Variants in PSIP1 observed in about 807,000 individuals in gnomAD.
PSIP1 encodes the protein PC4 and SFRS1-interacting protein.
A neutral mutation model predicts 74.7 loss-of-function variants in PSIP1; 19 were observed. The ratio of observed to expected loss-of-function variants is 0.25; its 90% confidence interval spans 0.18 to 0.37. The LOEUF (loss-of-function observed/expected upper bound fraction) is 0.37, where lower values mean the gene tolerates loss of function less well. PSIP1 is among the 10% of genes least tolerant of loss of function. The pLI, the probability that PSIP1 is intolerant of heterozygous loss-of-function variation, is 1.00. For missense variants in PSIP1, 601 were observed against 614.3 expected, an observed-to-expected ratio of 0.98 and a Z score of 0.23; for synonymous variants, 222 against 195.3, an observed-to-expected ratio of 1.14 and a Z score of -1.14.
rs2036759119 is a variant in PSIP1, at chr9:15,490,193, C to G, written c.150-69G>C. 2.0e-5 allele frequency: 27 copies of G among 1,331,340 alleles called. No homozygotes were observed. The South Asian group carries it at 5.1e-4, about 25-fold the overall frequency. 82.5% of individuals were successfully genotyped at this position (1,331,340 alleles called of 1,614,324 possible). A position where few individuals can be genotyped will look rare whatever the true frequency, so the allele number is the denominator to read the frequency against. ...ATACATAATTTATTAGATAAGACAC[C>G]CTATTACACAATTATCAAAAATACA... On this transcript the variant is annotated intron_variant, in intron 3 of 15. Transcript: ENST00000380733.
intron 12 of PSIP1, 54 bp from the exon 13 acceptor site, chr9:15,469,112 ATC>A (rs894172475): frequency 7.9e-6 from 12 of 1,518,910 alleles, no homozygotes; most frequent in African/African-American, 2.8e-5. Context: ...CACTTAAACA[ATC>A]TGTTTCTAAA....
chr9:15,493,404 A>G (rs1216092001), intron 3 of PSIP1, among the ~76,000 whole-genome samples: 27 of 152,180 alleles, frequency 1.8e-4, no homozygotes. Context: ...ACAAGTCTCT[A>G]GAAGTTCTCA....
At chr9:15,478,436 G>T in intron 8 of PSIP1, 41 bp downstream of exon 8, 1 of 1,391,636 alleles carries the variant, frequency 7.2e-7, no homozygotes, top group East Asian at 2.3e-5. Flanking sequence ...AAAGTCAAAT[G>T]TCTCATTTAT....
intron 10 of PSIP1, chr9:15,471,607 TC>T: frequency 1.1e-6 from 1 of 950,502 alleles, no homozygotes; most frequent in Non-Finnish European, 1.3e-6. Context: ...GTGCTTAAAG[TC>T]TAACATTAGA....
In PSIP1 at chr9:15,465,383, C is replaced by A; in HGVS notation, c.*137G>T. On this transcript the variant is annotated 3_prime_UTR_variant, in exon 16 of 16. Coordinates refer to ENST00000380733, the MANE Select transcript of PSIP1 (RefSeq NM_033222.5). ...CGATAATGTTTACTTTACTTTAAAA[C>A]AAAGGGATTTTCTCCCTCAAAACAA... 1.4e-6 allele frequency: 1 copy of A among 716,290 alleles called. No homozygotes were observed. Among genetic ancestry groups the A allele is most frequent in the Non-Finnish European group, 2.3e-6 (1 of 430,426 alleles). 44.4% of individuals were successfully genotyped at this position (716,290 alleles called of 1,614,324 possible).
At chr9:15,472,123 T>C (rs977112257) in intron 10 of PSIP1, 2 of 984,150 alleles carry the variant, frequency 2.0e-6, no homozygotes, top group African/African-American at 3.5e-5. Context: ...GCTTTGAATT[T>C]GATTTATATT....
rs748955052 is a variant in PSIP1, at chr9:15,466,717, C to T, written c.1532+31G>A. On this transcript the variant is annotated intron_variant, in intron 15 of 15. Coordinates refer to ENST00000380733, the MANE Select transcript of PSIP1 (RefSeq NM_033222.5). The stretch of plus-strand genomic sequence containing the variant: ...GATTAAAAACCTGAATAATAAAAAA[C>T]ACACAAGACCCATTAAAACCTATTC... The T allele has an allele frequency of 2.0e-5, 31 of 1,518,206 alleles. No homozygotes were observed. The Middle Eastern group carries it at 5.2e-4, about 25-fold the overall frequency. The allele number at this position is 1,518,206 out of a possible 1,614,324, so 94.0% of individuals were successfully genotyped here. A position where few individuals can be genotyped will look rare whatever the true frequency, so the allele number is the denominator to read the frequency against.
chr9:15,501,007 T>C (rs1234619923), intron 3 of PSIP1, among the ~76,000 whole-genome samples: 5 of 152,166 alleles, frequency 3.3e-5, no homozygotes, highest in East Asian at 1.9e-4. Context: ...ACATTTTAAA[T>C]AAATAATAGC....
Position 15,466,926 on chromosome 9 carries a change from A to G in PSIP1, c.1421-67T>C, listed in dbSNP as rs529445383. On this transcript the variant is annotated intron_variant, in intron 14 of 15. Coordinates refer to ENST00000380733, the MANE Select transcript of PSIP1 (RefSeq NM_033222.5). ...AAAACAATAATTGAAGGTGTCCACT[A>G]AAGATCCAGAATCAAAATACAACAT... The G allele has an allele frequency of 2.4e-4, 281 of 1,179,842 alleles. 7 individuals are homozygous for G. The South Asian group carries it at 3.5e-3, about 15-fold the overall frequency. The allele number at this position is 1,179,842 out of a possible 1,614,324, so 73.1% of individuals were successfully genotyped here.
chr9:15,494,169 C>T (rs1163394191), intron 3 of PSIP1, among the ~76,000 whole-genome samples: 1 of 152,102 alleles, frequency 6.6e-6, no homozygotes, highest in Non-Finnish European at 1.5e-5. Context: ...TCCTGATCTG[C>T]TAAAATTCTT....
rs909764537 is a variant in PSIP1, at chr9:15,464,633, A to AT, written c.*886dup. The AT allele has an allele frequency of 2.0e-5, 4 of 198,358 alleles. No individual in the cohort carries two copies. The highest frequency in any genetic ancestry group is 1.9e-4 in the South Asian group (1 of 5,216). The allele number at this position is 198,358 out of a possible 1,614,324, so 12.3% of individuals were successfully genotyped here. A position where few individuals can be genotyped will look rare whatever the true frequency, so the allele number is the denominator to read the frequency against. On this transcript the variant is annotated 3_prime_UTR_variant, in exon 16 of 16. Coordinates refer to ENST00000380733, the MANE Select transcript of PSIP1 (RefSeq NM_033222.5). ...TCATATTTATTGTATAAGCATCATG[A>AT]TTTTTTCTTCCAATTAAGTTTTAGT...
intron 2 of PSIP1, among the ~76,000 whole-genome samples, chr9:15,507,671 A>G (rs966133180): frequency 6.6e-6 from 1 of 150,900 alleles, no homozygotes; most frequent in Non-Finnish European, 1.5e-5. Context: ...TTAACAACAT[A>G]TCTATTTTAA....
Position 15,474,010 on chromosome 9 carries a change from T to G in PSIP1, c.857A>C (p.Lys286Thr), listed in dbSNP as rs2035966316. The change falls in exon 9 of 16, where the codon AAG becomes ACG. Residue 286 changes from lysine (K) to threonine (T), a missense_variant and splice_region_variant. Around this residue, in one of 2 missense-constraint regions of PSIP1, gnomAD observed 538 missense variants for 507.6 expected, o/e 1.06. Transcript: ENST00000380733. ...EEEGDDQEGE[K>T]KRKGGRNFQT... is the part of the protein sequence containing the mutation. ...ATTTTATATATGTAAACTTTATACC[T>G]TTTCACCTTCTTGATCATCTCCTTC... The G allele has an allele frequency of 6.2e-7, 1 of 1,609,282 alleles. No individual in the cohort carries two copies. Among genetic ancestry groups the G allele is most frequent in the African/African-American group, 1.3e-5 (1 of 74,584 alleles).
Position 15,466,774 on chromosome 9 carries a change from G to C in PSIP1, c.1506C>G (p.Asp502Glu). ...HNGESNEDSK[D>E]NHEASTKKKP... ...TTTTCTTCGTGCTGGCTTCATGGTT[G>C]TCTTTGCTGTCTTCATTGCTCTCCC... Residue 502 changes from aspartate to glutamate, a missense_variant, in exon 15 of 16, where the codon GAC becomes GAG. This residue lies in a region of PSIP1 where 538 missense variants were observed against 507.6 expected (regional missense o/e 1.06). Transcript: ENST00000380733. 6.2e-7 allele frequency: 1 copy of C among 1,612,372 alleles called. No individual in the cohort carries two copies. The highest frequency in any genetic ancestry group is 8.5e-7 in the Non-Finnish European group (1 of 1,179,524).
At chr9:15,505,440 T>C (rs1239253636) in intron 3 of PSIP1, 1 of 152,196 alleles carries the variant, frequency 6.6e-6, no homozygotes, top group African/African-American at 2.4e-5. Flanking sequence ...TATATTGTTA[T>C]ATATAGAATA....
intron 3 of PSIP1, among the ~76,000 whole-genome samples, chr9:15,494,228 T>C (rs1359909408): frequency 1.3e-5 from 2 of 152,190 alleles, no homozygotes; most frequent in African/African-American, 2.4e-5. Context: ...GTTAGAATTT[T>C]AAAAAGGCTC....
intron 13 of PSIP1, 30 bp from the exon 14 acceptor site, chr9:15,468,873 T>C (rs187443965): frequency 6.2e-7 from 1 of 1,606,294 alleles, no homozygotes; most frequent in Non-Finnish European, 8.5e-7. Context: ...TCATCATAAT[T>C]GTTTTCCTAA....
chr9:15,464,745 G>A lies in PSIP1; in HGVS notation c.*775C>T, dbSNP rs2665515. Reference sequence around the variant, plus strand: ...TAGTTACTAGTGCCTGCCTATAAAAGGACCTTAAATGATTTAACCCTAAAG... The same window carrying A: ...TAGTTACTAGTGCCTGCCTATAAAAAGACCTTAAATGATTTAACCCTAAAG... On this transcript the variant is annotated 3_prime_UTR_variant, in exon 16 of 16. Coordinates refer to ENST00000380733, the MANE Select transcript of PSIP1 (RefSeq NM_033222.5). 0.063 allele frequency: 12,914 copies of A among 204,582 alleles called. 588 individuals carry two copies. Among genetic ancestry groups the A allele is most frequent in the African/African-American group, 0.14 (6,006 of 43,820 alleles). 12.7% of individuals were successfully genotyped at this position (204,582 alleles called of 1,614,324 possible).
At chr9:15,500,192 CGTGGTGGCT>C (rs2037270725) in intron 3 of PSIP1, among the ~76,000 whole-genome samples, 1 of 152,080 alleles carries the variant, frequency 6.6e-6, no homozygotes, top group African/African-American at 2.4e-5. Context: ...TAGGGCTGGG[CGTGGTGGCT>C]CACGCCTGTA....
Sources: gnomAD v4.1 joint callset for allele counts (sites outside exome capture counted in the v4.1 genomes callset) on GRCh38, gnomAD v4.1.1 for gene constraint, gnomAD v4.1.1 regional missense constraint, MANE v1.5 for transcripts, NCBI Gene and HGNC (gene_info 2026-07-23, HGNC 2026-07-21) for gene names.